ARHGAP22: variants seen among roughly 807,000 people sequenced by gnomAD.
ARHGAP22 encodes rho GTPase-activating protein 22.
In ARHGAP22, 48 loss-of-function variants were observed where a neutral mutation model predicts 59.1. That is an observed-to-expected ratio of 0.81 (90% CI 0.64 to 1.03). ARHGAP22 has a LOEUF of 1.03. Among genes scored for constraint, ARHGAP22 ranks in the 50% least tolerant of loss-of-function variants. The probability of loss-of-function intolerance (pLI) is 0.00; values close to 1 mark genes in which losing one functional copy is unlikely to be tolerated. For missense variants in ARHGAP22, 1,015 were observed against 958.7 expected (o/e 1.06, Z -0.78); for synonymous variants, 445 against 416.4 (o/e 1.07, Z -0.84).
rs776238330 is a variant in ARHGAP22 at position 48,446,098 on chromosome 10, C to T, written c.*293G>A. On this transcript the variant is annotated 3_prime_UTR_variant, in exon 10 of 10. Coordinates refer to ENST00000249601, the MANE Select transcript of ARHGAP22 (RefSeq NM_021226.4). ...TCCCGGTGGCTGCCTGGATCCTGGG[C>T]GCCCTCCATTTCTGTGGCCATGAAG... 9.7e-5 allele frequency: 42 copies of T among 434,270 alleles called. No individual in the cohort carries two copies. Among genetic ancestry groups the T allele is most frequent in the African/African-American group, 1.4e-4 (7 of 50,824 alleles). The allele number at this position is 434,270 out of a possible 1,614,324, so 26.9% of individuals were successfully genotyped here.
chr10:48,436,010 T>TG, the ARHGAP22 span: 1 of 152,312 alleles, frequency 6.6e-6, no homozygotes, highest in Admixed American at 6.5e-5. Context: ...TCCTATTACT[T>TG]GGAGTGTCTG....
At chr10:48,511,288 C>T (rs1336812630) in intron 3 of ARHGAP22, among the ~76,000 whole-genome samples, 1 of 152,266 alleles carries the variant, frequency 6.6e-6, no homozygotes, top group Non-Finnish European at 1.5e-5. Context: ...CTCATCCAGC[C>T]AGCATGAGAC....
At chr10:48,631,247 A>G (rs1445359336) in intron 1 of ARHGAP22, among the ~76,000 whole-genome samples, 1 of 152,202 alleles carries the variant, frequency 6.6e-6, no homozygotes, top group African/African-American at 2.4e-5. Context: ...ATATTCATAA[A>G]AGATACTGAT....
Position 48,450,701 on chromosome 10 carries a change from C to T in ARHGAP22, c.1428G>A (p.Ser476=), listed in dbSNP as rs1337533758. The T allele has an allele frequency of 5.2e-6, 8 of 1,552,416 alleles. No homozygotes were observed. In the East Asian group the frequency reaches 1.2e-4, roughly 24 times the overall value. ...AGCCCGAGTCCTTGAGCCGGTCTCCCGACGAGGCCCGGCGGTGTCCGCGCA... is the reference window on the plus strand; with the variant it reads ...AGCCCGAGTCCTTGAGCCGGTCTCCTGACGAGGCCCGGCGGTGTCCGCGCA... ...SSLRGHRRAS[S]GDRLKDSGSV... The change falls in exon 9 of 10, where the codon TCG becomes TCA. Residue 476 remains serine (S), a synonymous_variant. Coordinates refer to ENST00000249601, the MANE Select transcript of ARHGAP22 (RefSeq NM_021226.4).
At chr10:48,509,196 G>A (rs1467537105) in intron 3 of ARHGAP22, among the ~76,000 whole-genome samples, 1 of 152,228 alleles carries the variant, frequency 6.6e-6, no homozygotes, top group Non-Finnish European at 1.5e-5. Context: ...CCTGCAGAGT[G>A]CAGCATGCCA....
At chr10:48,567,487 G>A (rs1260585622) in intron 2 of ARHGAP22, among the ~76,000 whole-genome samples, 4 of 152,204 alleles carry the variant, frequency 2.6e-5, no homozygotes, top group Non-Finnish European at 4.4e-5. Context: ...TGCTTACCCA[G>A]GGGAGCTCTT....
At chr10:48,447,562 G>A (rs1013263425) in intron 9 of ARHGAP22, among the ~76,000 whole-genome samples, 10 of 152,140 alleles carry the variant, frequency 6.6e-5, no homozygotes, top group African/African-American at 1.7e-4. Flanking sequence ...CTTGAAGCAT[G>A]GCCTGAGCCC....
intron 3 of ARHGAP22, among the ~76,000 whole-genome samples, chr10:48,517,335 G>T (rs2053384932): frequency 2.0e-5 from 3 of 152,324 alleles, no homozygotes; most frequent in African/African-American, 7.2e-5. Context: ...ACTTAGGCAG[G>T]ATAAGCATTA....
intron 3 of ARHGAP22, among the ~76,000 whole-genome samples, chr10:48,549,295 C>T (rs2056713033): frequency 1.3e-5 from 2 of 152,146 alleles, no homozygotes; most frequent in Admixed American, 1.3e-4. Context: ...TTACATGGGG[C>T]CTGGCAATGG....
chr10:48,478,655 A>T (rs1187299872), intron 4 of ARHGAP22, among the ~76,000 whole-genome samples: 1 of 152,224 alleles, frequency 6.6e-6, no homozygotes, highest in Non-Finnish European at 1.5e-5. Flanking sequence ...TGCCATGGTG[A>T]TCCCATTATG....
At chr10:48,605,173 C>T (rs2060616588), upstream of ARHGAP22, 5 of 1,129,062 alleles carry the variant, frequency 4.4e-6, no homozygotes, top group East Asian at 6.1e-5. Context: ...CGGGGCCAGC[C>T]AGAGACGCGG....
At chr10:48,614,512 T>G (rs2061008429) in intron 1 of ARHGAP22, among the ~76,000 whole-genome samples, 1 of 152,144 alleles carries the variant, frequency 6.6e-6, no homozygotes, top group Non-Finnish European at 1.5e-5. Context: ...ATTTTTAAAA[T>G]AAATAGCTGA....
chr10:48,604,697 G>C (rs1051330613), intron 1 of ARHGAP22, 66 bp downstream of exon 1: 7 of 1,613,312 alleles, frequency 4.3e-6, no homozygotes, highest in Non-Finnish European at 5.9e-6. Context: ...GGCTGGCCAA[G>C]TGTCCGCGCA....
intron 1 of ARHGAP22, among the ~76,000 whole-genome samples, chr10:48,590,241 T>G (rs2059668060): frequency 6.6e-6 from 1 of 151,532 alleles, no homozygotes; most frequent in African/African-American, 2.4e-5. Flanking sequence ...GGGTGCCCCT[T>G]GCTAGAACGG....
At chr10:48,502,866 G>A (rs991578311) in intron 3 of ARHGAP22, among the ~76,000 whole-genome samples, 9 of 152,240 alleles carry the variant, frequency 5.9e-5, no homozygotes, top group African/African-American at 1.7e-4. Context: ...AGAGTGGCCC[G>A]GTAGCGGAGA....
intron 3 of ARHGAP22, among the ~76,000 whole-genome samples, chr10:48,528,166 C>T (rs902563011): frequency 5.9e-5 from 9 of 152,076 alleles, no homozygotes; most frequent in Non-Finnish European, 1.3e-4. Context: ...CCAGATATGC[C>T]CCAGGTCATT....
chr10:48,598,250 G>A lies in ARHGAP22; in HGVS notation c.34+6513C>T, dbSNP rs928502440. 3.7e-4 allele frequency among the ~76,000 whole-genome samples: 56 copies of A among 152,354 alleles called. 1 individual carries two copies. The highest frequency in any genetic ancestry group is 3.2e-4 in the Non-Finnish European group (22 of 68,034). ...GAACATGAGGGTTGGTGGGGGAAGA[G>A]GCTTGAGTTTGCAGCGCCCCTCTTC... On this transcript the variant is annotated intron_variant, in intron 1 of 9. Coordinates refer to ENST00000249601, the MANE Select transcript of ARHGAP22 (RefSeq NM_021226.4).
In ARHGAP22 at chr10:48,566,847, C is replaced by G. The variant is rs114334983; in HGVS notation, c.235-11297G>C. Among the ~76,000 whole-genome samples, 1,004 of 152,358 alleles carry G rather than the reference C, an allele frequency of 6.6e-3. 11 individuals carry two copies. The highest frequency in any genetic ancestry group is 0.023 in the African/African-American group (938 of 41,576). On this transcript the variant is annotated intron_variant, in intron 2 of 9. Transcript: ENST00000249601. Reference sequence around the variant, plus strand: ...CCTGCACCCTCCCTATCCCTCCCAACTGGCCACAGCCCCTAAAGCTCTTAC... The same window carrying G: ...CCTGCACCCTCCCTATCCCTCCCAAGTGGCCACAGCCCCTAAAGCTCTTAC...
chr10:48,499,832 T>G (rs2051321704), intron 3 of ARHGAP22, among the ~76,000 whole-genome samples: 1 of 152,234 alleles, frequency 6.6e-6, no homozygotes. Context: ...GAAACAGAAA[T>G]GCATTCTATG....
Sources: gnomAD v4.1 joint callset for allele counts (sites outside exome capture counted in the v4.1 genomes callset) on GRCh38, gnomAD v4.1.1 for gene constraint, MANE v1.5 for transcripts, NCBI Gene and HGNC (gene_info 2026-07-23, HGNC 2026-07-21) for gene names.